The following DNAJC6 variants were observed in gnomAD, a reference collection of about 807,000 sequenced individuals.
DNAJC6 encodes the protein auxilin.
In DNAJC6, 34 loss-of-function variants were observed where a neutral mutation model predicts 110.0. The ratio of observed to expected loss-of-function variants is 0.31; its 90% CI spans 0.24 to 0.41. The LOEUF is 0.41. Among genes scored for constraint, DNAJC6 ranks in the 10% least tolerant of loss-of-function variants. DNAJC6 has a pLI of 1.00. For missense variants in DNAJC6, 1,031 were observed against 1,207.8 expected, an observed-to-expected ratio of 0.85 and a Z score of 2.17; for synonymous variants, 406 against 437.2, an observed-to-expected ratio of 0.93 and a Z score of 0.89.
At chr1:65,346,493 C>T (rs1296322349) in intron 1 of DNAJC6, among the ~76,000 whole-genome samples, 3 of 151,978 alleles carry the variant, frequency 2.0e-5, no homozygotes, top group Admixed American at 1.3e-4. Flanking sequence ...ACTCACCTTC[C>T]CAGTCTCATC....
intron 1 of DNAJC6, among the ~76,000 whole-genome samples, chr1:65,302,118 A>ATGTAT (rs1553136004): frequency 4.0e-4 from 7 of 17,414 alleles, no homozygotes; most frequent in African/African-American, 7.8e-4. Context: ...ATATATATAT[A>ATGTAT]TATATAAAAA....
Position 65,309,905 on chromosome 1 carries a change from C to T in DNAJC6, c.160C>T (p.Pro54Ser), listed in dbSNP as rs1307438145. The part of the protein sequence containing the change: ...GAAARSPARQ[P>S]PDRASTMDSS... Reference sequence around the variant, plus strand: ...AGCGGCGCGGAGTCCCGCCCGACAGCCTCCGGACCGCGCCAGCACCATGGA... The same window carrying T: ...AGCGGCGCGGAGTCCCGCCCGACAGTCTCCGGACCGCGCCAGCACCATGGA... Residue 54 changes from proline to serine, a missense_variant, in exon 1 of 19, where the codon CCT (proline) becomes TCT (serine). Coordinates refer to ENST00000371069, the MANE Select transcript of DNAJC6 (RefSeq NM_001256864.2). 5.2e-6 allele frequency: 8 copies of T among 1,538,008 alleles called. No individual in the cohort carries two copies. The highest frequency in any genetic ancestry group is 1.2e-5 in the South Asian group (1 of 82,936).
At chr1:65,328,930 A>G (rs1263548475) in intron 1 of DNAJC6, among the ~76,000 whole-genome samples, 1 of 152,202 alleles carries the variant, frequency 6.6e-6, no homozygotes, top group Non-Finnish European at 1.5e-5. Context: ...GTCCACTGGA[A>G]ACTCTTGTCT....
At chr1:65,355,634 A>G (rs889072355) in intron 1 of DNAJC6, among the ~76,000 whole-genome samples, 3 of 152,334 alleles carry the variant, frequency 2.0e-5, no homozygotes, top group African/African-American at 4.8e-5. Flanking sequence ...GAACCTGAAT[A>G]TTAGTCCTGC....
chr1:65,390,779 T>C (rs1645918806), intron 11 of DNAJC6, among the ~76,000 whole-genome samples: 1 of 152,250 alleles, frequency 6.6e-6, no homozygotes, highest in African/African-American at 2.4e-5. Flanking sequence ...AAAGACTCAC[T>C]TTCAGAATTT....
chr1:65,327,850 T>C (rs35741972), intron 1 of DNAJC6, among the ~76,000 whole-genome samples: 69,189 of 151,932 alleles, frequency 0.46, 16,578 homozygotes, highest in Non-Finnish European at 0.56. Flanking sequence ...AACTAAGATA[T>C]GCCTATATAG....
At chr1:65,408,902 A>G (rs1046436226) in intron 17 of DNAJC6, 119 bp downstream of exon 17, 5 of 1,214,238 alleles carry the variant, frequency 4.1e-6, no homozygotes, top group Non-Finnish European at 5.5e-6. Flanking sequence ...TCAGGCTGCT[A>G]TAACAAAATA....
intron 1 of DNAJC6, among the ~76,000 whole-genome samples, chr1:65,292,329 T>TG (rs1361010091): frequency 2.6e-5 from 4 of 151,174 alleles, no homozygotes; most frequent in African/African-American, 9.8e-5. Context: ...GGTTTTTTTT[T>TG]TTTGTTTTTT....
At chr1:65,337,402 G>C (rs1025254030) in intron 1 of DNAJC6, among the ~76,000 whole-genome samples, 1 of 151,478 alleles carries the variant, frequency 6.6e-6, no homozygotes, top group Non-Finnish European at 1.5e-5. Flanking sequence ...AAGGAAAAAG[G>C]CTTGATTCTT....
chr1:65,303,559 C>G lies in DNAJC6; in HGVS notation c.-131+38627C>G, dbSNP rs10889539. ...GCTTCCATGCGCCTCATTTGATTCT[C>G]TCTTCTTTTTTTTTTTTGAGACGGA... On this transcript the variant is annotated intron_variant, in intron 1 of 19. Transcript: ENST00000263441. Among the ~76,000 whole-genome samples the G allele has an allele frequency of 1.4e-3, 215 of 150,982 alleles. 2 individuals carry two copies. Among genetic ancestry groups the G allele is most frequent in the African/African-American group, 4.6e-3 (189 of 41,162 alleles).
intron 5 of DNAJC6, 57 bp downstream of exon 5, chr1:65,379,581 C>T (rs995919357): frequency 3.1e-6 from 5 of 1,597,990 alleles, no homozygotes; most frequent in Non-Finnish European, 4.3e-6. Context: ...TATGGATGAG[C>T]CTGTACACAA....
At chr1:65,366,319 C>T in intron 4 of DNAJC6, 123 bp downstream of exon 4, 5 of 1,019,786 alleles carry the variant, frequency 4.9e-6, no homozygotes, top group South Asian at 1.6e-5. Flanking sequence ...ACTCTGGACA[C>T]TTCTGTTCAC....
At chr1:65,408,586 A>G (rs1459750035) in intron 16 of DNAJC6, 55 bp from the exon 17 acceptor site, 2 of 1,570,198 alleles carry the variant, frequency 1.3e-6, no homozygotes, top group Non-Finnish European at 1.7e-6. Context: ...AGATAATGAT[A>G]CAGCATTATG....
chr1:65,374,974 G>GGTTT (rs1222605765), intron 4 of DNAJC6, among the ~76,000 whole-genome samples: 5 of 127,082 alleles, frequency 3.9e-5, no homozygotes, highest in African/African-American at 2.0e-4. Context: ...ATTTTCTGAG[G>GGTTT]ATTTTTTTTT....
intron 15 of DNAJC6, among the ~76,000 whole-genome samples, chr1:65,405,651 G>A (rs904349726): frequency 2.0e-5 from 3 of 152,076 alleles, no homozygotes; most frequent in African/African-American, 7.2e-5. Context: ...TTGTTCATCT[G>A]AAGGAAAAAT....
At chr1:65,375,125 G>A (rs9436720) in intron 4 of DNAJC6, among the ~76,000 whole-genome samples, 38,014 of 151,690 alleles carry the variant, frequency 0.25, 8,280 homozygotes, top group East Asian at 0.61. Context: ...CACTATGCCC[G>A]GTTAATTTTT....
At chr1:65,274,085 T>C (rs1653589173) in intron 1 of DNAJC6, among the ~76,000 whole-genome samples, 3 of 152,172 alleles carry the variant, frequency 2.0e-5, no homozygotes, top group Admixed American at 1.3e-4. Context: ...TAGATTTGTC[T>C]ATTTTTCCTT....
chr1:65,374,930 C>G (rs930863966), intron 4 of DNAJC6, among the ~76,000 whole-genome samples: 3 of 151,528 alleles, frequency 2.0e-5, no homozygotes, highest in African/African-American at 7.3e-5. Flanking sequence ...CATAGATGGC[C>G]ATTATTATTT....
chr1:65,279,492 G>A (rs564851417), intron 1 of DNAJC6: 2 of 152,036 alleles, frequency 1.3e-5, no homozygotes, highest in East Asian at 3.9e-4. Flanking sequence ...TAAAATACAC[G>A]TTAAATATTT....
Sources: allele counts gnomAD v4.1 joint callset (sites outside exome capture counted in the v4.1 genomes callset), GRCh38; gene constraint gnomAD v4.1.1; transcripts MANE v1.5; gene names NCBI Gene and HGNC (gene_info 2026-07-23, HGNC 2026-07-21).